ESCO1: variants seen among roughly 807,000 people sequenced by gnomAD.
The protein encoded by ESCO1 is establishment of sister chromatid cohesion N-acetyltransferase 1, also known as N-acetyltransferase ESCO1.
Under a neutral mutation model 83.5 loss-of-function variants are expected in ESCO1, and 33 were observed. The ratio of observed to expected loss-of-function variants is 0.40; its 90% CI spans 0.30 to 0.53. The LOEUF is 0.53. Among genes scored for constraint, ESCO1 ranks in the 20% least tolerant of loss-of-function variants. The pLI is 0.63. For synonymous variants in ESCO1, 332 were observed against 324.3 expected, an observed-to-expected ratio of 1.02 and a Z score of -0.25; for missense variants, 855 against 968.0, an observed-to-expected ratio of 0.88 and a Z score of 1.55.
At chr18:21,571,522 G>A (rs146511096) in intron 4 of ESCO1, among the ~76,000 whole-genome samples, 1 of 152,232 alleles carries the variant, frequency 6.6e-6, no homozygotes, top group Non-Finnish European at 1.5e-5. Flanking sequence ...TCCAAACAGA[G>A]GGGCTGCATA....
chr18:21,573,637 GCA>G lies in ESCO1; in HGVS notation c.1205_1206del (p.Val402AlafsTer4). The G allele has an allele frequency of 6.2e-7, 1 of 1,614,118 alleles. No homozygotes were observed. The highest frequency in any genetic ancestry group is 8.5e-7 in the Non-Finnish European group (1 of 1,180,018). On this transcript the variant is annotated frameshift_variant, in exon 4 of 12. Transcript: ENST00000269214. LOFTEE classifies it high-confidence loss of function. ...ACTTGAGAGTCCAACTTATTGTGCTGCACAGAGTTAAATTTTGAGAGTTTAAT... is the reference window on the plus strand; with the variant it reads ...ACTTGAGAGTCCAACTTATTGTGCTGCAGAGTTAAATTTTGAGAGTTTAAT... ...TKIKLSKFNS[V>X]QHNKLDSQVS...
At position 21,530,415 on chromosome 18, in the gene ESCO1, C is replaced by G; in HGVS notation, c.2451G>C (p.Leu817=). The G allele has an allele frequency of 6.2e-7, 1 of 1,607,198 alleles. No individual in the cohort carries two copies. Among genetic ancestry groups the G allele is most frequent in the Non-Finnish European group, 8.5e-7 (1 of 1,178,256 alleles). The change falls in exon 12 of 12, where the codon CTG becomes CTC. Residue 817 remains leucine (L), a synonymous_variant. Coordinates refer to ENST00000269214, the MANE Select transcript of ESCO1 (RefSeq NM_052911.3). Reference sequence around the variant, plus strand: ...CAGTGCCACAGTACTGTGTTGCAAACAGCTTTCCATCAGGAGTGGGATCTG... The same window carrying G: ...CAGTGCCACAGTACTGTGTTGCAAAGAGCTTTCCATCAGGAGTGGGATCTG... The part of the protein sequence containing the change: ...AFSDPTPDGK[L]FATQYCGTGQ...
At chr18:21,547,803 C>T (rs2037992752) in intron 8 of ESCO1, among the ~76,000 whole-genome samples, 2 of 152,194 alleles carry the variant, frequency 1.3e-5, no homozygotes, top group African/African-American at 4.8e-5. Context: ...GAAAAATATT[C>T]ATAGAAAAGA....
chr18:21,583,028 CA>C (rs1237981113), intron 2 of ESCO1, among the ~76,000 whole-genome samples: 4 of 151,912 alleles, frequency 2.6e-5, no homozygotes, highest in African/African-American at 9.7e-5. Flanking sequence ...CCCGTCTCTA[CA>C]AATATACAAA....
intron 7 of ESCO1, 125 bp from the exon 8 acceptor site, chr18:21,561,115 GT>G: frequency 1.1e-6 from 1 of 885,312 alleles, no homozygotes; most frequent in South Asian, 3.3e-5. Context: ...AACATTCAAT[GT>G]TAATTACTAA....
chr18:21,560,016 T>C (rs1366233612), intron 8 of ESCO1, among the ~76,000 whole-genome samples: 1 of 152,116 alleles, frequency 6.6e-6, no homozygotes, highest in Admixed American at 6.6e-5. Context: ...TTAAATAATC[T>C]AGTATCTGGT....
chr18:21,587,095 T>C (rs1281539915), intron 1 of ESCO1, among the ~76,000 whole-genome samples: 1 of 152,186 alleles, frequency 6.6e-6, no homozygotes, highest in Non-Finnish European at 1.5e-5. Context: ...TGCAACTTGG[T>C]CATTGTGTGT....
intron 9 of ESCO1, among the ~76,000 whole-genome samples, chr18:21,538,552 C>T (rs751725576): frequency 4.6e-5 from 7 of 152,034 alleles, no homozygotes; most frequent in Middle Eastern, 3.2e-3. Flanking sequence ...ATTGTCCATT[C>T]GGATAAACAG....
Position 21,566,162 on chromosome 18 carries a change from T to C in ESCO1, c.1690A>G (p.Lys564Glu). The C allele has an allele frequency of 1.9e-6, 3 of 1,613,162 alleles. No homozygotes were observed. Among genetic ancestry groups the C allele is most frequent in the Non-Finnish European group, 2.5e-6 (3 of 1,179,570 alleles). Residue 564 changes from lysine to glutamate, a missense_variant, in exon 6 of 12, where the codon AAA becomes GAA. This residue lies in a region of ESCO1 where 726 missense variants were observed against 699.5 expected (regional missense o/e 1.04). Transcript: ENST00000269214. ...QHSILSNQTS[K>E]SSDNRETPRN... ...ATAGCTTACCTGTTATCACTGCTTT[T>C]AGATGTCTGGTTACTGAGAATACTA...
At chr18:21,543,602 A>T (rs1043964589) in intron 8 of ESCO1, among the ~76,000 whole-genome samples, 4 of 152,236 alleles carry the variant, frequency 2.6e-5, no homozygotes, top group Admixed American at 1.3e-4. Context: ...CCAAACACTT[A>T]AGATGTGTAG....
chr18:21,587,036 G>A (rs1568112773), intron 1 of ESCO1, among the ~76,000 whole-genome samples: 1 of 152,218 alleles, frequency 6.6e-6, no homozygotes, highest in East Asian at 1.9e-4. Flanking sequence ...AACATGGTGT[G>A]TCATACTGAT....
At chr18:21,560,208 T>A (rs1410468996) in intron 8 of ESCO1, among the ~76,000 whole-genome samples, 1 of 152,050 alleles carries the variant, frequency 6.6e-6, no homozygotes, top group Non-Finnish European at 1.5e-5. Context: ...CTGAAATGGT[T>A]CAATATTGCT....
At chr18:21,589,214 G>C (rs2038625768) in intron 1 of ESCO1, among the ~76,000 whole-genome samples, 1 of 151,422 alleles carries the variant, frequency 6.6e-6, no homozygotes, top group African/African-American at 2.4e-5. Context: ...ACTCCAGCCT[G>C]GGCAACAGAG....
At chr18:21,538,596 A>C (rs2037866170) in intron 9 of ESCO1, among the ~76,000 whole-genome samples, 1 of 152,198 alleles carries the variant, frequency 6.6e-6, no homozygotes, top group African/African-American at 2.4e-5. Context: ...AAATAAACTT[A>C]CATATTTTAA....
intron 1 of ESCO1, among the ~76,000 whole-genome samples, chr18:21,595,364 C>CAAA (rs781532392): frequency 1.1e-4 from 5 of 43,716 alleles, no homozygotes; most frequent in East Asian, 7.7e-4. Flanking sequence ...AACTCCGTCT[C>CAAA]AAAAAAAAAA....
intron 8 of ESCO1, among the ~76,000 whole-genome samples, chr18:21,558,556 C>T (rs535206834): frequency 6.6e-6 from 1 of 151,924 alleles, no homozygotes; most frequent in Non-Finnish European, 1.5e-5. Context: ...CAGTGAAACT[C>T]CATCTCTACT....
chr18:21,572,896 G>A (rs1259257310), intron 4 of ESCO1, among the ~76,000 whole-genome samples: 7 of 151,908 alleles, frequency 4.6e-5, no homozygotes, highest in Non-Finnish European at 8.8e-5. Flanking sequence ...CCTGGGAGGC[G>A]GAGGATGCAG....
intron 2 of ESCO1, among the ~76,000 whole-genome samples, chr18:21,584,044 C>A (rs889644269): frequency 6.6e-6 from 1 of 152,164 alleles, no homozygotes; most frequent in East Asian, 1.9e-4. Flanking sequence ...AATCATATGC[C>A]TTTTATGCAT....
intron 2 of ESCO1, among the ~76,000 whole-genome samples, chr18:21,578,467 G>C (rs1204999135): frequency 1.3e-5 from 2 of 151,926 alleles, no homozygotes; most frequent in Non-Finnish European, 2.9e-5. Context: ...CCATTAACTG[G>C]ACCTTTCAGA....
Sources: allele counts gnomAD v4.1 joint callset (sites outside exome capture counted in the v4.1 genomes callset), GRCh38; gene constraint gnomAD v4.1.1; regional missense constraint gnomAD v4.1.1; transcripts MANE v1.5; gene names NCBI Gene and HGNC (gene_info 2026-07-23, HGNC 2026-07-21).